The following TEAD1 variants were observed in gnomAD, a reference collection of about 807,000 sequenced individuals.
The protein encoded by TEAD1 is TEA domain transcription factor 1.
TEAD1 carries 9 observed loss-of-function variants against 54.9 expected under a neutral mutation model. The observed-to-expected ratio is 0.16, with a 90% confidence interval of 0.10 to 0.29. The LOEUF is 0.29. Ranked by LOEUF, TEAD1 falls within the 10% of genes least tolerant of loss-of-function variation. The pLI, the probability that TEAD1 is intolerant of heterozygous loss-of-function variation, is 1.00. For missense variants in TEAD1, 387 were observed against 535.9 expected, an observed-to-expected ratio of 0.72 and a Z score of 2.74; for synonymous variants, 200 against 187.8, an observed-to-expected ratio of 1.07 and a Z score of -0.53.
intron 9 of TEAD1, among the ~76,000 whole-genome samples, chr11:12,890,796 G>A (rs1948183086): frequency 6.6e-6 from 1 of 152,090 alleles, no homozygotes; most frequent in Non-Finnish European, 1.5e-5. Flanking sequence ...ATGGAGTTTT[G>A]CTTCGTCGCC....
At chr11:12,698,329 A>C (rs948764255) in intron 2 of TEAD1, among the ~76,000 whole-genome samples, 1 of 151,842 alleles carries the variant, frequency 6.6e-6, no homozygotes, top group African/African-American at 2.4e-5. Flanking sequence ...TGTTAGGACA[A>C]GGCTAGGGGA....
chr11:12,696,996 G>T (rs1943600227), intron 2 of TEAD1, among the ~76,000 whole-genome samples: 1 of 152,142 alleles, frequency 6.6e-6, no homozygotes. Context: ...CTGCTGCCTG[G>T]TGTGCCCTGT....
intron 10 of TEAD1, among the ~76,000 whole-genome samples, chr11:12,916,273 T>C (rs544088612): frequency 7.5e-4 from 114 of 152,230 alleles, no homozygotes; most frequent in Non-Finnish European, 1.6e-3. Context: ...TCAGAAAAAG[T>C]CCTAATTTTT....
chr11:12,832,338 G>A (rs892000104), intron 3 of TEAD1, among the ~76,000 whole-genome samples: 1 of 152,230 alleles, frequency 6.6e-6, no homozygotes, highest in African/African-American at 2.4e-5. Flanking sequence ...TATAAATACG[G>A]CATAGAAGAC....
intron 2 of TEAD1, among the ~76,000 whole-genome samples, chr11:12,690,097 C>T (rs937850868): frequency 1.3e-5 from 2 of 151,786 alleles, no homozygotes; most frequent in Non-Finnish European, 2.9e-5. Flanking sequence ...AAAAATTAGC[C>T]AGGCGTGGTG....
At chr11:12,923,550 C>T (rs1432888914) in intron 10 of TEAD1, among the ~76,000 whole-genome samples, 1 of 152,166 alleles carries the variant, frequency 6.6e-6, no homozygotes, top group Non-Finnish European at 1.5e-5. Flanking sequence ...GGATGCGGAG[C>T]AGGGGGTTGG....
At chr11:12,721,267 C>G (rs1289529963) in intron 2 of TEAD1, among the ~76,000 whole-genome samples, 1 of 152,204 alleles carries the variant, frequency 6.6e-6, no homozygotes, top group Non-Finnish European at 1.5e-5. Flanking sequence ...TGTTCCCTCC[C>G]CTGTAGGAAC....
chr11:12,921,631 C>T (rs1276401210), intron 10 of TEAD1, among the ~76,000 whole-genome samples: 2 of 151,992 alleles, frequency 1.3e-5, no homozygotes, highest in African/African-American at 4.8e-5. Context: ...ACCTGAACTG[C>T]TTTTCACAGC....
Position 12,753,972 on chromosome 11 carries a change from T to C in TEAD1, c.-54-10207T>C, listed in dbSNP as rs555397776. ...TATGGCTATCAATCAACCTGGCTCA[T>C]GTATCAGGAAAAAAATTTCTTTACT... On this transcript the variant is annotated intron_variant, in intron 2 of 12. Coordinates refer to ENST00000527636, the MANE Select transcript of TEAD1 (RefSeq NM_021961.6). Among the ~76,000 whole-genome samples, 18 of 152,340 alleles carry C rather than the reference T, an allele frequency of 1.2e-4. No individual in the cohort carries two copies. The South Asian group carries it at 3.7e-3, about 32-fold the overall frequency.
chr11:12,716,388 C>G (rs1259746038), intron 2 of TEAD1, among the ~76,000 whole-genome samples: 1 of 152,138 alleles, frequency 6.6e-6, no homozygotes, highest in South Asian at 2.1e-4. Flanking sequence ...GACATCCCTC[C>G]CCCCTCCATT....
chr11:12,747,253 C>T (rs1944763120), intron 2 of TEAD1, among the ~76,000 whole-genome samples: 2 of 151,960 alleles, frequency 1.3e-5, no homozygotes, highest in Non-Finnish European at 1.5e-5. Context: ...ATAGTGCCTA[C>T]CTTTGAAAAT....
chr11:12,883,071 G>A lies in TEAD1; in HGVS notation c.645G>A (p.Lys215=). Reference sequence around the variant, plus strand: ...AAGGTCGCTCCATTGGCACAACCAAGCTTCGCCTGGTGGAATTTTCAGCTT... The same window carrying A: ...AAGGTCGCTCCATTGGCACAACCAAACTTCGCCTGGTGGAATTTTCAGCTT... The change falls in exon 9 of 13, where the codon AAG becomes AAA. Residue 215 remains lysine, a synonymous_variant. Transcript: ENST00000527636. The A allele has an allele frequency of 6.2e-7, 1 of 1,614,214 alleles. No homozygotes were observed. Among genetic ancestry groups the A allele is most frequent in the East Asian group, 2.2e-5 (1 of 44,890 alleles).
intron 3 of TEAD1, among the ~76,000 whole-genome samples, chr11:12,849,639 C>T (rs887072965): frequency 6.6e-6 from 1 of 152,164 alleles, no homozygotes; most frequent in East Asian, 1.9e-4. Flanking sequence ...TGATAGAATT[C>T]TTCTGGTGAT....
intron 5 of TEAD1, among the ~76,000 whole-genome samples, chr11:12,876,047 A>C (rs1034314356): frequency 1.3e-5 from 2 of 152,284 alleles, no homozygotes; most frequent in Admixed American, 6.5e-5. Flanking sequence ...CCCAGTGGGT[A>C]CACCTTTTAT....
At position 12,759,078 on chromosome 11, in the gene TEAD1, G is replaced by C. The variant is rs531086921; in HGVS notation, c.-54-5101G>C. On this transcript the variant is annotated intron_variant, in intron 2 of 12. Transcript: ENST00000527636. The stretch of plus-strand genomic sequence containing the variant: ...TTTTTGGTGATCGTTGTGTTCAATG[G>C]CATTTCATTAATTATGAGGATTAGT... 5.3e-5 allele frequency among the ~76,000 whole-genome samples: 8 copies of C among 152,156 alleles called. No individual in the cohort carries two copies. In the South Asian group the frequency reaches 1.7e-3, roughly 32 times the overall value.
rs545746674 is a variant in TEAD1, at chr11:12,858,935, C to A, written c.203-3315C>A. Among the ~76,000 whole-genome samples, 25 of 152,332 alleles carry A rather than the reference C, an allele frequency of 1.6e-4. No homozygotes were observed. The South Asian group carries it at 2.5e-3, about 15-fold the overall frequency. On this transcript the variant is annotated intron_variant, in intron 3 of 12. Transcript: ENST00000527636. ...AGGCTGCAAACCTGTCTGGTGTTAA[C>A]TGTACTGAATACTGTAGGCCATTGT...
intron 10 of TEAD1, among the ~76,000 whole-genome samples, chr11:12,907,573 A>G (rs7944031): frequency 0.22 from 32,732 of 152,098 alleles, 4,434 homozygotes; most frequent in East Asian, 0.61. Flanking sequence ...AAAGAGAGAA[A>G]AGGTGATTTT....
chr11:12,748,701 G>C (rs1281166863), intron 2 of TEAD1, among the ~76,000 whole-genome samples: 1 of 152,112 alleles, frequency 6.6e-6, no homozygotes, highest in Non-Finnish European at 1.5e-5. Context: ...ATATCATCTC[G>C]TATAACCAGG....
intron 2 of TEAD1, among the ~76,000 whole-genome samples, chr11:12,728,154 C>G (rs1944350364): frequency 6.6e-6 from 1 of 152,010 alleles, no homozygotes. Flanking sequence ...GAATAGTGTT[C>G]CTAACTGCTA....
Sources: gnomAD v4.1 joint callset for allele counts (sites outside exome capture counted in the v4.1 genomes callset) on GRCh38, gnomAD v4.1.1 for gene constraint, MANE v1.5 for transcripts, NCBI Gene and HGNC (gene_info 2026-07-23, HGNC 2026-07-21) for gene names.